NR6A1: variants seen among roughly 807,000 people sequenced by gnomAD.
NR6A1 encodes the protein retinoic acid receptor-related testis-associated receptor.
Under a neutral mutation model 59.1 loss-of-function variants are expected in NR6A1, and 7 were observed. The ratio of observed to expected loss-of-function variants is 0.12; its 90% CI spans 0.07 to 0.22. The LOEUF (loss-of-function observed/expected upper bound fraction) is 0.22. NR6A1 is among the 10% of genes least tolerant of loss of function. The pLI is 1.00. For missense variants in NR6A1, 468 were observed against 611.6 expected, an observed-to-expected ratio of 0.77 and a Z score of 2.48; for synonymous variants, 243 against 236.1, an observed-to-expected ratio of 1.03 and a Z score of -0.27.
intron 2 of NR6A1, among the ~76,000 whole-genome samples, chr9:124,645,954 A>G (rs1411632749): frequency 1.3e-5 from 2 of 152,256 alleles, no homozygotes; most frequent in Non-Finnish European, 2.9e-5. Flanking sequence ...TTAAACTAGC[A>G]TAACAGAAAG....
chr9:124,755,411 G>C (rs985718942), intron 1 of NR6A1, among the ~76,000 whole-genome samples: 2 of 152,116 alleles, frequency 1.3e-5, no homozygotes, highest in Non-Finnish European at 2.9e-5. Flanking sequence ...AGAGTGACTA[G>C]GTTAGTCTCA....
intron 1 of NR6A1, among the ~76,000 whole-genome samples, chr9:124,765,103 T>C (rs1840892604): frequency 6.6e-6 from 1 of 152,226 alleles, no homozygotes; most frequent in Non-Finnish European, 1.5e-5. Flanking sequence ...AGACACTTTT[T>C]TAAAGTTAAT....
intron 2 of NR6A1, among the ~76,000 whole-genome samples, chr9:124,637,870 C>T (rs1203841434): frequency 2.4e-5 from 3 of 125,220 alleles, no homozygotes; most frequent in East Asian, 2.3e-4. Flanking sequence ...CCAGCCTGGG[C>T]GACAGAGTGA....
intron 2 of NR6A1, among the ~76,000 whole-genome samples, chr9:124,670,095 C>T (rs760576603): frequency 2.0e-5 from 3 of 151,688 alleles, no homozygotes; most frequent in Admixed American, 6.6e-5. Flanking sequence ...CAACATACTT[C>T]TTAGCCTGGC....
intron 2 of NR6A1, among the ~76,000 whole-genome samples, chr9:124,627,471 T>C (rs1340887139): frequency 2.0e-5 from 3 of 152,174 alleles, no homozygotes; most frequent in Admixed American, 2.0e-4. Flanking sequence ...ATTATGGAAA[T>C]CCACAGGCTG....
chr9:124,729,513 G>A (rs1387212564), intron 2 of NR6A1, among the ~76,000 whole-genome samples: 2 of 152,114 alleles, frequency 1.3e-5, no homozygotes, highest in African/African-American at 4.8e-5. Flanking sequence ...GAGCCCATGA[G>A]GTCAAGACTG....
intron 2 of NR6A1, among the ~76,000 whole-genome samples, chr9:124,582,234 T>C (rs1834793212): frequency 6.6e-6 from 1 of 152,176 alleles, no homozygotes; most frequent in South Asian, 2.1e-4. Flanking sequence ...CATGGAATAC[T>C]AGTCAGCCAT....
chr9:124,554,215 A>G, intron 3 of NR6A1, 113 bp downstream of exon 3: 1 of 1,511,646 alleles, frequency 6.6e-7, no homozygotes, highest in Non-Finnish European at 9.0e-7. Flanking sequence ...ATGAGTACAA[A>G]CTATAAGGCC....
chr9:124,623,041 A>T (rs938599116), intron 2 of NR6A1, among the ~76,000 whole-genome samples: 1 of 152,126 alleles, frequency 6.6e-6, no homozygotes, highest in African/African-American at 2.4e-5. Flanking sequence ...ATCCAGAAGT[A>T]TATTTCCCTC....
intron 2 of NR6A1, among the ~76,000 whole-genome samples, chr9:124,654,196 T>C (rs1837182274): frequency 6.6e-6 from 1 of 152,206 alleles, no homozygotes; most frequent in Non-Finnish European, 1.5e-5. Context: ...ATTCTCAGCT[T>C]GGGAGGAACC....
intron 1 of NR6A1, among the ~76,000 whole-genome samples, chr9:124,763,380 T>C (rs776155462): frequency 2.6e-5 from 4 of 152,186 alleles, no homozygotes; most frequent in Admixed American, 6.5e-5. Flanking sequence ...TCAGTGTAAA[T>C]GTCAATACAG....
At chr9:124,741,651 A>G (rs1317902099) in intron 1 of NR6A1, among the ~76,000 whole-genome samples, 1 of 152,258 alleles carries the variant, frequency 6.6e-6, no homozygotes, top group African/African-American at 2.4e-5. Context: ...CTACTGAAGA[A>G]AAAAGTTGAA....
At chr9:124,563,746 A>G (rs1834149223) in intron 2 of NR6A1, among the ~76,000 whole-genome samples, 1 of 152,134 alleles carries the variant, frequency 6.6e-6, no homozygotes, top group Non-Finnish European at 1.5e-5. Flanking sequence ...AGTACTTCCA[A>G]TTTTGAATTT....
intron 2 of NR6A1, among the ~76,000 whole-genome samples, chr9:124,590,092 C>CAAAAAAAAAAAAAAAA (rs1327869115): frequency 3.7e-4 from 24 of 64,792 alleles, no homozygotes; most frequent in African/African-American, 1.2e-3. Context: ...AAAAAAAAAG[C>CAAAAAAAAAAAAAAAA]AAAGCTAGTC....
intron 1 of NR6A1, among the ~76,000 whole-genome samples, chr9:124,750,676 C>T (rs1017886610): frequency 8.6e-5 from 13 of 151,922 alleles, no homozygotes; most frequent in Admixed American, 6.6e-4. Flanking sequence ...AGGAGAATGG[C>T]GTGAACCCAG....
intron 2 of NR6A1, among the ~76,000 whole-genome samples, chr9:124,667,105 G>A (rs149814377): frequency 1.1e-4 from 16 of 150,128 alleles, no homozygotes; most frequent in East Asian, 2.0e-4. Flanking sequence ...GCGCAATGTC[G>A]GCTCACTGCA....
chr9:124,687,291 A>ATTAATTATTTATTTAT (rs59770058), intron 2 of NR6A1, among the ~76,000 whole-genome samples: 5,557 of 142,052 alleles, frequency 0.039, 298 homozygotes, highest in African/African-American at 0.11. Context: ...CAGCTAATTA[A>ATTAATTATTTATTTAT]TTATTTATTT....
At chr9:124,575,795 C>G (rs1365143269) in intron 2 of NR6A1, among the ~76,000 whole-genome samples, 1 of 152,060 alleles carries the variant, frequency 6.6e-6, no homozygotes, top group East Asian at 1.9e-4. Flanking sequence ...AGTACATGTA[C>G]TTGGAATATA....
chr9:124,567,874 G>A (rs1431118049), intron 2 of NR6A1, among the ~76,000 whole-genome samples: 4 of 129,242 alleles, frequency 3.1e-5, no homozygotes, highest in African/African-American at 8.8e-5. Flanking sequence ...AGAGTCATAC[G>A]CATTTAAAAA....
Sources: gnomAD v4.1 joint callset for allele counts (sites outside exome capture counted in the v4.1 genomes callset) on GRCh38, gnomAD v4.1.1 for gene constraint, MANE v1.5 for transcripts, NCBI Gene and HGNC (gene_info 2026-07-23, HGNC 2026-07-21) for gene names.